The following SLC24A2 variants were observed in gnomAD, a reference collection of about 807,000 sequenced individuals.
The protein encoded by SLC24A2 is solute carrier family 24 member 2.
SLC24A2 carries 36 observed loss-of-function variants against 62.0 expected under a neutral mutation model. The observed-to-expected ratio is 0.58, with a 90% CI of 0.44 to 0.77. SLC24A2 has a LOEUF of 0.77. SLC24A2 is among the 30% of genes least tolerant of loss of function. SLC24A2 has a pLI of 0.00. For synonymous variants in SLC24A2, 358 were observed against 294.0 expected (o/e 1.22, Z -2.23); for missense variants, 846 against 817.9 (o/e 1.03, Z -0.42).
At chr9:19,803,738 G>T in the SLC24A2 span, among the ~76,000 whole-genome samples, 3 of 152,238 alleles carry the variant, frequency 2.0e-5, no homozygotes, top group African/African-American at 7.2e-5. Flanking sequence ...TTGCACCTCA[G>T]TTGTCAGCTT....
intron 2 of SLC24A2, among the ~76,000 whole-genome samples, chr9:19,625,988 G>A (rs961005398): frequency 2.6e-5 from 4 of 151,998 alleles, no homozygotes; most frequent in Admixed American, 1.3e-4. Context: ...CGCCCTGCTG[G>A]AAATCCCATT....
intron 2 of SLC24A2, among the ~76,000 whole-genome samples, chr9:19,771,660 T>C (rs1822693605): frequency 6.6e-6 from 1 of 152,196 alleles, no homozygotes; most frequent in Non-Finnish European, 1.5e-5. Flanking sequence ...CTGAGCCCCC[T>C]GGAAACCACT....
chr9:19,924,102 G>T, the SLC24A2 span, among the ~76,000 whole-genome samples: 96 of 152,324 alleles, frequency 6.3e-4, no homozygotes, highest in African/African-American at 2.2e-3. Flanking sequence ...TTATGCCACC[G>T]TCATGCCTGT....
At chr9:19,577,222 A>C (rs1177157026) in intron 5 of SLC24A2, among the ~76,000 whole-genome samples, 200 bp from the exon 6 acceptor site, 1 of 152,042 alleles carries the variant, frequency 6.6e-6, no homozygotes, top group African/African-American at 2.4e-5. Context: ...CTATTTGAGA[A>C]TCTCTTCCCT....
At chr9:20,265,936 A>G in the SLC24A2 span, among the ~76,000 whole-genome samples, 1 of 152,182 alleles carries the variant, frequency 6.6e-6, no homozygotes, top group Non-Finnish European at 1.5e-5. Context: ...AAGAAGCCTC[A>G]GTCTCCCATA....
At chr9:19,676,093 T>G (rs2383112) in intron 2 of SLC24A2, among the ~76,000 whole-genome samples, 103,509 of 152,086 alleles carry the variant, frequency 0.68, 36,555 homozygotes, top group East Asian at 0.85. Context: ...CTCTAAAATT[T>G]TCTCAGCTCC....
At chr9:20,281,319 T>G in the SLC24A2 span, among the ~76,000 whole-genome samples, 3,298 of 152,304 alleles carry the variant, frequency 0.022, 99 homozygotes, top group African/African-American at 0.073. Flanking sequence ...TTTTATACTT[T>G]TTATTGAAGT....
At chr9:19,676,749 T>C (rs1000658058) in intron 2 of SLC24A2, among the ~76,000 whole-genome samples, 39 of 152,230 alleles carry the variant, frequency 2.6e-4, no homozygotes, top group African/African-American at 9.2e-4. Context: ...TTGTCCACTA[T>C]TGAGTTGCAT....
At chr9:19,702,779 G>C (rs1376583296) in intron 2 of SLC24A2, among the ~76,000 whole-genome samples, 2 of 152,014 alleles carry the variant, frequency 1.3e-5, no homozygotes, top group Non-Finnish European at 2.9e-5. Context: ...AAATTTAAAT[G>C]TTTATTTAAA....
Position 19,786,255 on chromosome 9 carries a change from GC to G in SLC24A2, c.611del (p.Gly204AlafsTer2). The G allele has an allele frequency of 6.2e-7, 1 of 1,614,120 alleles. No homozygotes were observed. Reference protein sequence around the residue: ...IGVFIAHSNVGIGTIVGSAVF... With the variant: ...IGVFIAHSNVXIGTIVGSAVF... The stretch of plus-strand genomic sequence containing the variant: ...CTGCTGAACCTACAATTGTGCCTAT[GC>G]CAACGTTGCTGTGAGCGATAAATAC... On this transcript the variant is annotated frameshift_variant, in exon 2 of 11. Coordinates refer to ENST00000341998, the MANE Select transcript of SLC24A2 (RefSeq NM_020344.4). LOFTEE classifies it high-confidence loss of function. This position sits in a 1 kb window ranked among gnomAD's most constrained non-coding sequence, Gnocchi z 5.0.
At chr9:20,025,162 A>G in the SLC24A2 span, among the ~76,000 whole-genome samples, 1 of 152,160 alleles carries the variant, frequency 6.6e-6, no homozygotes, top group Non-Finnish European at 1.5e-5. Flanking sequence ...TATTTTCTTT[A>G]ATGCTTGTCA....
intron 6 of SLC24A2, among the ~76,000 whole-genome samples, chr9:19,574,079 A>T (rs1835937113): frequency 6.6e-6 from 1 of 152,082 alleles, no homozygotes; most frequent in African/African-American, 2.4e-5. Context: ...CTTATCTGTG[A>T]AATAAGAGGG....
chr9:20,152,165 A>G, the SLC24A2 span, among the ~76,000 whole-genome samples: 5 of 151,890 alleles, frequency 3.3e-5, no homozygotes, highest in Non-Finnish European at 7.4e-5. Flanking sequence ...TTTCACATAA[A>G]TGCTGCCGGT....
intron 9 of SLC24A2, among the ~76,000 whole-genome samples, chr9:19,522,720 G>A (rs1208673248): frequency 6.6e-6 from 1 of 152,114 alleles, no homozygotes; most frequent in Non-Finnish European, 1.5e-5. Context: ...AACATACACA[G>A]CCTGATACAT....
At chr9:19,718,259 G>A (rs1166632022) in intron 2 of SLC24A2, among the ~76,000 whole-genome samples, 2 of 137,760 alleles carry the variant, frequency 1.5e-5, no homozygotes, top group African/African-American at 2.7e-5. Flanking sequence ...ACAGGCTTAA[G>A]CTACCATGCC....
chr9:19,666,222 TG>T (rs2118278995), intron 2 of SLC24A2, among the ~76,000 whole-genome samples: 1 of 152,010 alleles, frequency 6.6e-6, no homozygotes, highest in East Asian at 1.9e-4. Flanking sequence ...GTGGGCAACA[TG>T]GGGAGACCTC....
At chr9:19,806,345 A>G in the SLC24A2 span, among the ~76,000 whole-genome samples, 1 of 152,184 alleles carries the variant, frequency 6.6e-6, no homozygotes, top group African/African-American at 2.4e-5. Flanking sequence ...AGTTTATTTG[A>G]GTACAAAGCT....
chr9:19,603,009 G>GA (rs1199202734), intron 4 of SLC24A2, among the ~76,000 whole-genome samples: 2 of 151,912 alleles, frequency 1.3e-5, no homozygotes, highest in African/African-American at 4.8e-5. Flanking sequence ...AGTTTGAAGG[G>GA]AAAAAATAAT....
chr9:19,788,872 C>G lies in SLC24A2; in HGVS notation c.-154+13G>C, dbSNP rs1056015598. 1.0e-6 allele frequency: 1 copy of G among 985,292 alleles called. No individual in the cohort carries two copies. Among genetic ancestry groups the G allele is most frequent in the Non-Finnish European group, 1.2e-6 (1 of 829,906 alleles). The allele number at this position is 985,292 out of a possible 1,614,324, so 61.0% of individuals were successfully genotyped here. A position where few individuals can be genotyped will look rare whatever the true frequency, so the allele number is the denominator to read the frequency against. Reference sequence around the variant, plus strand: ...GCTACAGCGGCAGGCGGGGCGCAGCCGCCCGCACTTACCAGGATAAGATGG... The same window carrying G: ...GCTACAGCGGCAGGCGGGGCGCAGCGGCCCGCACTTACCAGGATAAGATGG... On this transcript the variant is annotated intron_variant, in intron 1 of 10. Coordinates refer to ENST00000341998, the MANE Select transcript of SLC24A2 (RefSeq NM_020344.4).
Sources: gnomAD v4.1 joint callset for allele counts (sites outside exome capture counted in the v4.1 genomes callset) on GRCh38, gnomAD v4.1.1 for gene constraint, Gnocchi (gnomAD v3.1) non-coding constraint, MANE v1.5 for transcripts, NCBI Gene and HGNC (gene_info 2026-07-23, HGNC 2026-07-21) for gene names.